The following MTHFD2L variants were observed in gnomAD, a reference collection of about 807,000 sequenced individuals.
MTHFD2L encodes methylenetetrahydrofolate dehydrogenase (NADP+ dependent) 2 like.
A neutral mutation model predicts 34.9 loss-of-function variants in MTHFD2L; 29 were observed. That is an observed-to-expected ratio of 0.83 (90% CI 0.62 to 1.13). The LOEUF (loss-of-function observed/expected upper bound fraction) is 1.13. Among genes scored for constraint, MTHFD2L ranks in the 50% most tolerant of loss-of-function variants. The pLI is 0.00. For synonymous variants in MTHFD2L, 167 were observed against 155.7 expected, an observed-to-expected ratio of 1.07 and a Z score of -0.54; for missense variants, 481 against 446.5, an observed-to-expected ratio of 1.08 and a Z score of -0.70.
chr4:74,125,775 A>G (rs1415818396), intron 1 of MTHFD2L, among the ~76,000 whole-genome samples: 1 of 152,172 alleles, frequency 6.6e-6, no homozygotes, highest in Non-Finnish European at 1.5e-5. Context: ...ACAAAAGCAT[A>G]ACAAAATTTG....
chr4:74,256,962 G>A (rs1236669326), intron 6 of MTHFD2L, among the ~76,000 whole-genome samples: 1 of 152,070 alleles, frequency 6.6e-6, no homozygotes, highest in Non-Finnish European at 1.5e-5. Flanking sequence ...GGTTCCACAT[G>A]GATTTTAGAA....
chr4:74,167,213 C>T (rs1281541518), intron 1 of MTHFD2L, among the ~76,000 whole-genome samples: 2 of 152,204 alleles, frequency 1.3e-5, no homozygotes, highest in Non-Finnish European at 2.9e-5. Context: ...CCAACTAATC[C>T]AAGGGCTTTA....
At chr4:74,248,473 T>C (rs1043728741) in intron 6 of MTHFD2L, among the ~76,000 whole-genome samples, 3,211 of 151,236 alleles carry the variant, frequency 0.021, 94 homozygotes, top group African/African-American at 0.072. Context: ...TTTGTGTCTC[T>C]ATTTCCTTCA....
chr4:74,256,997 G>A (rs865791722), intron 6 of MTHFD2L, among the ~76,000 whole-genome samples: 1 of 152,080 alleles, frequency 6.6e-6, no homozygotes, highest in Non-Finnish European at 1.5e-5. Context: ...TATGTGAAAA[G>A]ATGACATTGG....
At chr4:74,175,039 T>C (rs1728761531) in intron 2 of MTHFD2L, among the ~76,000 whole-genome samples, 1 of 152,168 alleles carries the variant, frequency 6.6e-6, no homozygotes, top group Admixed American at 6.6e-5. Flanking sequence ...TTTTATTCTC[T>C]TCAAATCTAC....
intron 6 of MTHFD2L, chr4:74,266,927 T>C: frequency 3.0e-6 from 3 of 985,336 alleles, no homozygotes; most frequent in Non-Finnish European, 3.6e-6. Context: ...CTAGACTATC[T>C]GGCTTTCAGG....
chr4:74,188,644 G>A (rs1350429902), intron 3 of MTHFD2L, among the ~76,000 whole-genome samples: 2 of 151,250 alleles, frequency 1.3e-5, no homozygotes, highest in East Asian at 1.9e-4. Flanking sequence ...TGGTAAATAT[G>A]TTCATTATCT....
upstream of MTHFD2L, among the ~76,000 whole-genome samples, chr4:74,154,067 C>G (rs948146169): frequency 5.3e-5 from 8 of 152,060 alleles, no homozygotes; most frequent in African/African-American, 1.9e-4. Context: ...TTTTGATTGT[C>G]TTTACAGTTT....
chr4:74,211,239 G>GGA (rs1736264041), intron 5 of MTHFD2L, among the ~76,000 whole-genome samples: 1 of 152,050 alleles, frequency 6.6e-6, no homozygotes. Context: ...AATGGTGAGA[G>GGA]GAGGGGATCC....
chr4:74,117,840 A>C (rs1721681293), intron 2 of MTHFD2L, among the ~76,000 whole-genome samples: 1 of 152,146 alleles, frequency 6.6e-6, no homozygotes, highest in African/African-American at 2.4e-5. Context: ...CCTAATTCTC[A>C]GTCTCTATAT....
At chr4:74,251,223 G>A (rs1181801571) in intron 6 of MTHFD2L, among the ~76,000 whole-genome samples, 1 of 152,128 alleles carries the variant, frequency 6.6e-6, no homozygotes, top group Non-Finnish European at 1.5e-5. Flanking sequence ...TTCAGTCATG[G>A]TTTTTTACAA....
intron 6 of MTHFD2L, among the ~76,000 whole-genome samples, chr4:74,253,131 G>T (rs1189088695): frequency 6.6e-6 from 1 of 152,088 alleles, no homozygotes; most frequent in South Asian, 2.1e-4. Flanking sequence ...CAGTAGAATG[G>T]TGCAATGAAG....
intron 6 of MTHFD2L, 68 bp downstream of exon 6, chr4:74,225,462 C>A: frequency 7.7e-7 from 1 of 1,298,712 alleles, no homozygotes; most frequent in Non-Finnish European, 1.1e-6. Flanking sequence ...TAAATGCTGA[C>A]ATGTTTGAAA....
At chr4:74,144,457 CAAA>C (rs1371268904) in intron 1 of MTHFD2L, among the ~76,000 whole-genome samples, 3 of 151,588 alleles carry the variant, frequency 2.0e-5, no homozygotes, top group African/African-American at 7.3e-5. Context: ...TCTCAAAAAA[CAAA>C]AAAACAAAAA....
At chr4:74,172,973 G>A (rs962369248) in intron 1 of MTHFD2L, among the ~76,000 whole-genome samples, 1 of 152,164 alleles carries the variant, frequency 6.6e-6, no homozygotes, top group Non-Finnish European at 1.5e-5. Context: ...GCCCTCATTA[G>A]AAAATTAAAA....
chr4:74,284,594 A>G (rs575178548), intron 7 of MTHFD2L, among the ~76,000 whole-genome samples: 10 of 151,780 alleles, frequency 6.6e-5, no homozygotes, highest in Admixed American at 5.3e-4. Flanking sequence ...GCCCTTTATC[A>G]TATAAGTAGA....
chr4:74,199,852 A>G lies in MTHFD2L; in HGVS notation c.510A>G (p.Gly170=), dbSNP rs1368792025. The change falls in exon 4 of 8, where the codon GGA becomes GGG. Residue 170 remains glycine (G), a synonymous_variant. Transcript: ENST00000325278. Reference sequence around the variant, plus strand: ...TTGCCCCAGAAAAAGATGTAGATGGATTTCATATTATCAATATTGGAAGAT... The same window carrying G: ...TTGCCCCAGAAAAAGATGTAGATGGGTTTCATATTATCAATATTGGAAGAT... ...NGIAPEKDVD[G]FHIINIGRLC... The G allele has an allele frequency of 2.5e-6, 4 of 1,613,776 alleles. No individual in the cohort carries two copies. In the Admixed American group the frequency reaches 6.7e-5, roughly 27 times the overall value.
intron 3 of MTHFD2L, among the ~76,000 whole-genome samples, chr4:74,179,920 A>G (rs1729796847): frequency 6.6e-6 from 1 of 152,040 alleles, no homozygotes; most frequent in African/African-American, 2.4e-5. Context: ...TAGATTTTCA[A>G]AATGTCTCCC....
At chr4:74,268,983 A>G (rs1745634083) in intron 6 of MTHFD2L, among the ~76,000 whole-genome samples, 1 of 152,184 alleles carries the variant, frequency 6.6e-6, no homozygotes, top group Non-Finnish European at 1.5e-5. Context: ...TTGTCATATA[A>G]TGAATCACAA....
Sources: gnomAD v4.1 joint callset for allele counts (sites outside exome capture counted in the v4.1 genomes callset) on GRCh38, gnomAD v4.1.1 for gene constraint, MANE v1.5 for transcripts, NCBI Gene and HGNC (gene_info 2026-07-23, HGNC 2026-07-21) for gene names.